The following AP4S1 variants were observed in gnomAD, a reference collection of about 807,000 sequenced individuals.
AP4S1 encodes AP-4 complex subunit sigma-1.
A neutral mutation model predicts 19.8 loss-of-function variants in AP4S1; 23 were observed. The ratio of observed to expected loss-of-function variants is 1.16; its 90% confidence interval spans 0.84 to 1.65. The LOEUF (loss-of-function observed/expected upper bound fraction) is 1.65. AP4S1 is among the 40% of genes most tolerant of loss of function. The probability of loss-of-function intolerance (pLI) is 0.00; values close to 1 mark genes in which losing one functional copy is unlikely to be tolerated. For missense variants in AP4S1, 166 were observed against 172.8 expected (o/e 0.96, Z 0.22); for synonymous variants, 46 against 54.1 (o/e 0.85, Z 0.66).
intron 3 of AP4S1, 27 bp downstream of exon 3, chr14:31,069,956 A>C (rs755507564): frequency 5.3e-5 from 83 of 1,551,982 alleles, no homozygotes; most frequent in Non-Finnish European, 7.3e-5. Flanking sequence ...GCCCTTGGAA[A>C]ATGCAAGAAT....
At chr14:31,054,350 C>A (rs1357756672) in intron 1 of AP4S1, among the ~76,000 whole-genome samples, 9 of 152,150 alleles carry the variant, frequency 5.9e-5, no homozygotes, top group African/African-American at 2.2e-4. Context: ...ACCTGGGCAA[C>A]ATAGCAAGAC....
chr14:31,092,819 C>A, intron 5 of AP4S1, 88 bp from the exon 6 acceptor site: 5 of 988,140 alleles, frequency 5.1e-6, no homozygotes, highest in Non-Finnish European at 7.1e-6. Flanking sequence ...GGCTAATTTA[C>A]ACTGGGAACA....
chr14:31,081,399 G>A (rs1887630326), intron 5 of AP4S1, among the ~76,000 whole-genome samples: 3 of 152,124 alleles, frequency 2.0e-5, no homozygotes. Flanking sequence ...AGCAGAGAAA[G>A]TTCTCCTTTT....
intron 1 of AP4S1, among the ~76,000 whole-genome samples, chr14:31,035,011 ATT>A (rs1254711706): frequency 6.6e-6 from 1 of 152,058 alleles, no homozygotes; most frequent in Admixed American, 6.6e-5. Flanking sequence ...AGATTTTGCC[ATT>A]CTTATTTCAT....
chr14:31,080,503 C>A, intron 4 of AP4S1, 70 bp from the exon 5 acceptor site: 2 of 1,337,708 alleles, frequency 1.5e-6, no homozygotes, highest in South Asian at 1.2e-5. Flanking sequence ...CCTCTTCAGT[C>A]TGACTCTGCT....
intron 1 of AP4S1, among the ~76,000 whole-genome samples, chr14:31,056,307 T>C (rs1432773212): frequency 6.6e-6 from 1 of 152,066 alleles, no homozygotes; most frequent in African/African-American, 2.4e-5. Context: ...TCCAAGTAGC[T>C]AATACTATGG....
chr14:31,041,953 G>A lies in AP4S1; in HGVS notation c.-72+16166G>A, dbSNP rs575222339. On this transcript the variant is annotated intron_variant, in intron 1 of 5. Coordinates refer to ENST00000542754, the MANE Select transcript of AP4S1 (RefSeq NM_001128126.3). ...AAGCAATTCCCCTGCTTCAGCCTCC[G>A]TAGTAGCTGGGATTACAGATGCATA... Among the ~76,000 whole-genome samples, 123 of 152,156 alleles carry A rather than the reference G, an allele frequency of 8.1e-4. 2 individuals carry two copies. In the South Asian group the frequency reaches 0.023, roughly 29 times the overall value.
Position 31,064,788 on chromosome 14 carries a change from C to G in AP4S1, c.-71-1338C>G, listed in dbSNP as rs548347682. On this transcript the variant is annotated intron_variant, in intron 1 of 5. Coordinates refer to ENST00000542754, the MANE Select transcript of AP4S1 (RefSeq NM_001128126.3). ...CTGGCAATATAGTGAAACCTCATCT[C>G]TACAAAAAGTTAAAAAATTAGCTGG... is the stretch of plus-strand genomic sequence containing the variant. Among the ~76,000 whole-genome samples, 90 of 152,280 alleles carry G rather than the reference C, an allele frequency of 5.9e-4. 2 individuals carry two copies. The highest frequency in any genetic ancestry group is 5.8e-3 in the Admixed American group (89 of 15,292).
At chr14:31,071,409 A>G (rs1232368604) in intron 3 of AP4S1, among the ~76,000 whole-genome samples, 1 of 151,996 alleles carries the variant, frequency 6.6e-6, no homozygotes, top group Non-Finnish European at 1.5e-5. Flanking sequence ...TTCATCATGG[A>G]CTTCAAAAAA....
intron 1 of AP4S1, among the ~76,000 whole-genome samples, chr14:31,064,699 G>A (rs922357336): frequency 6.6e-5 from 10 of 152,152 alleles, no homozygotes; most frequent in South Asian, 2.1e-4. Context: ...GCTCACGCCC[G>A]TAATCCCAAC....
intron 1 of AP4S1, among the ~76,000 whole-genome samples, chr14:31,030,964 G>A (rs531114976): frequency 6.6e-6 from 1 of 152,156 alleles, no homozygotes; most frequent in South Asian, 2.1e-4. Flanking sequence ...TCTGTGTTCC[G>A]ACCCAAATCT....
chr14:31,065,598 A>T (rs1158678658), intron 1 of AP4S1, among the ~76,000 whole-genome samples: 1 of 152,196 alleles, frequency 6.6e-6, no homozygotes, highest in Admixed American at 6.5e-5. Flanking sequence ...GTTGCTCAGA[A>T]TTATTTTGGA....
chr14:31,077,212 C>T (rs1437926328), intron 4 of AP4S1, among the ~76,000 whole-genome samples: 1 of 152,238 alleles, frequency 6.6e-6, no homozygotes, highest in African/African-American at 2.4e-5. Flanking sequence ...GCTGGGATTA[C>T]AGGCGTGAGC....
intron 1 of AP4S1, 93 bp downstream of exon 1, chr14:31,025,880 C>T (rs375051003): frequency 5.7e-6 from 9 of 1,590,690 alleles, no homozygotes; most frequent in South Asian, 1.1e-5. Context: ...CCGCAGCTCC[C>T]GCACACCGAC....
chr14:31,057,958 C>T lies in AP4S1; in HGVS notation c.-71-8168C>T, dbSNP rs141020847. On this transcript the variant is annotated intron_variant, in intron 1 of 5. Coordinates refer to ENST00000542754, the MANE Select transcript of AP4S1 (RefSeq NM_001128126.3). ...TTTTTTTTTTTTTTAGAGATAGGGT[C>T]TCCATCTGTCACCCAGGCTGGAGTG... is the stretch of plus-strand genomic sequence containing the variant. 9.1e-4 allele frequency among the ~76,000 whole-genome samples: 137 copies of T among 150,408 alleles called. No homozygotes were observed. In the East Asian group the frequency reaches 0.017, roughly 19 times the overall value.
intron 5 of AP4S1, chr14:31,085,138 G>A (rs573292699): frequency 4.7e-5 from 59 of 1,267,168 alleles, no homozygotes; most frequent in Non-Finnish European, 5.4e-5. Context: ...TGTCTGCTTC[G>A]CCAGCACCCT....
intron 4 of AP4S1, among the ~76,000 whole-genome samples, chr14:31,073,999 G>C (rs1385870551): frequency 6.6e-6 from 1 of 151,872 alleles, no homozygotes; most frequent in Non-Finnish European, 1.5e-5. Context: ...TAGCTATATT[G>C]AAATATATTT....
chr14:31,073,200 A>AC (rs1887113061), intron 4 of AP4S1: 1 of 488,854 alleles, frequency 2.0e-6, no homozygotes, highest in Non-Finnish European at 3.7e-6. Context: ...AAAAAAAAAA[A>AC]CCTCTTATAG....
chr14:31,030,952 G>C (rs1884354260), intron 1 of AP4S1, among the ~76,000 whole-genome samples: 1 of 152,080 alleles, frequency 6.6e-6, no homozygotes, highest in Admixed American at 6.6e-5. Context: ...ATATGGTTTG[G>C]CTCTGTGTTC....
Sources: gnomAD v4.1 joint callset for allele counts (sites outside exome capture counted in the v4.1 genomes callset) on GRCh38, gnomAD v4.1.1 for gene constraint, MANE v1.5 for transcripts, NCBI Gene and HGNC (gene_info 2026-07-23, HGNC 2026-07-21) for gene names.